TRPC6: variants seen among roughly 807,000 people sequenced by gnomAD.
TRPC6 encodes the protein transient receptor potential cation channel subfamily C member 6.
A neutral mutation model predicts 90.7 loss-of-function variants in TRPC6; 55 were observed. The ratio of observed to expected loss-of-function variants is 0.61; its 90% CI spans 0.49 to 0.76. The LOEUF is 0.76. Among genes scored for constraint, TRPC6 ranks in the 30% least tolerant of loss-of-function variants. The probability of loss-of-function intolerance (pLI) is 0.00; values close to 1 mark genes in which losing one functional copy is unlikely to be tolerated. For synonymous variants in TRPC6, 393 were observed against 393.0 expected, an observed-to-expected ratio of 1.00 and a Z score of 0.00; for missense variants, 989 against 1,122.7, an observed-to-expected ratio of 0.88 and a Z score of 1.70.
intron 2 of TRPC6, 96 bp from the exon 3 acceptor site, chr11:101,491,834 T>TTG: frequency 4.3e-5 from 35 of 815,696 alleles, no homozygotes; most frequent in Non-Finnish European, 5.2e-5. Flanking sequence ...AAGAGAAACA[T>TTG]TCTTTTTTTT....
chr11:101,499,081 T>C (rs988499624), intron 2 of TRPC6, among the ~76,000 whole-genome samples: 1 of 152,120 alleles, frequency 6.6e-6, no homozygotes, highest in Non-Finnish European at 1.5e-5. Context: ...TTGCCAACAA[T>C]TGTCAAAGAA....
At chr11:101,500,209 T>C (rs1187673285) in intron 2 of TRPC6, among the ~76,000 whole-genome samples, 6 of 117,226 alleles carry the variant, frequency 5.1e-5, no homozygotes, top group African/African-American at 2.2e-4. Context: ...GTATTTTTTT[T>C]CTTTCTTTTT....
intron 10 of TRPC6, among the ~76,000 whole-genome samples, chr11:101,460,710 T>C (rs1245870011): frequency 6.6e-6 from 1 of 152,170 alleles, no homozygotes; most frequent in African/African-American, 2.4e-5. Flanking sequence ...AAGTCTGCAT[T>C]GTGAATGCAC....
At chr11:101,459,623 GAAAAT>G (rs904259822) in intron 10 of TRPC6, among the ~76,000 whole-genome samples, 1 of 151,996 alleles carries the variant, frequency 6.6e-6, no homozygotes, top group Non-Finnish European at 1.5e-5. Context: ...AAGCTACAGG[GAAAAT>G]AAAATTATTT....
chr11:101,519,706 T>G (rs2136774941), intron 1 of TRPC6: 1 of 153,880 alleles, frequency 6.5e-6, no homozygotes, highest in African/African-American at 2.4e-5. Flanking sequence ...AATTCTGAGC[T>G]GTATCTCAAA....
At chr11:101,540,474 T>C (rs537607292) in intron 1 of TRPC6, among the ~76,000 whole-genome samples, 20 of 152,212 alleles carry the variant, frequency 1.3e-4, no homozygotes, top group Non-Finnish European at 2.1e-4. Context: ...CCTGGGCATA[T>C]GTAGTGTTAA....
intron 1 of TRPC6, among the ~76,000 whole-genome samples, chr11:101,556,092 A>T (rs1861554648): frequency 6.6e-6 from 1 of 152,206 alleles, no homozygotes; most frequent in Non-Finnish European, 1.5e-5. Context: ...CAAAGCTTAT[A>T]GCAATAAACA....
intron 3 of TRPC6, among the ~76,000 whole-genome samples, chr11:101,491,170 G>A: frequency 6.6e-6 from 1 of 152,098 alleles, no homozygotes; most frequent in East Asian, 1.9e-4. Context: ...ATCCTAACCG[G>A]GTGCAGTGGC....
intron 5 of TRPC6, among the ~76,000 whole-genome samples, chr11:101,478,862 T>G (rs1180016098): frequency 6.6e-6 from 1 of 152,174 alleles, no homozygotes; most frequent in East Asian, 1.9e-4. Flanking sequence ...CCCTCTGCCT[T>G]CAAATTTCTT....
In TRPC6 at chr11:101,473,776, A is replaced by G. The variant is rs770061328; in HGVS notation, c.1745-3T>C. ...AGAGGGGTCCCACTTTATCCTGGCT[A>G]GGAAAAAGCAAAGACAAAGAGTTGT... On this transcript the variant is annotated splice_polypyrimidine_tract_variant and splice_region_variant and intron_variant, in intron 6 of 12. Transcript: ENST00000344327. 6.2e-7 allele frequency: 1 copy of G among 1,613,592 alleles called. No homozygotes were observed. The highest frequency in any genetic ancestry group is 1.3e-5 in the African/African-American group (1 of 75,034).
At chr11:101,525,203 G>A (rs1860750401) in intron 1 of TRPC6, among the ~76,000 whole-genome samples, 1 of 152,220 alleles carries the variant, frequency 6.6e-6, no homozygotes, top group Admixed American at 6.5e-5. Flanking sequence ...GGAAAGGCAA[G>A]GTGGTAGAGC....
chr11:101,575,105 T>C (rs78798988), intron 1 of TRPC6, among the ~76,000 whole-genome samples: 139 of 152,300 alleles, frequency 9.1e-4, no homozygotes, highest in African/African-American at 3.2e-3. Flanking sequence ...TTAAAAATTA[T>C]GCAAATCTTG....
chr11:101,548,633 A>G (rs1861380345), intron 1 of TRPC6, among the ~76,000 whole-genome samples: 1 of 151,116 alleles, frequency 6.6e-6, no homozygotes, highest in Non-Finnish European at 1.5e-5. Flanking sequence ...AGCTCGTACC[A>G]TTCTCACTTC....
intron 1 of TRPC6, among the ~76,000 whole-genome samples, chr11:101,508,649 G>A (rs548296323): frequency 3.3e-5 from 5 of 152,184 alleles, no homozygotes; most frequent in African/African-American, 9.6e-5. Flanking sequence ...CAAAGATTAG[G>A]GGGAGAGACA....
Position 101,453,014 on chromosome 11 carries a change from T to C in TRPC6, c.2737A>G (p.Ile913Val), listed in dbSNP as rs1431533923. ...GATAATTTCTCTCCAAGTTCTCTAA[T>C]AAGTTCTGCTAGGTCTTCTGTATTC... ...SQNTEDLAEL[I>V]RELGEKLSME... The change falls in exon 13 of 13, where the codon ATT (isoleucine) becomes GTT (valine). Residue 913 changes from isoleucine (I) to valine (V), a missense_variant. Coordinates refer to ENST00000344327, the MANE Select transcript of TRPC6 (RefSeq NM_004621.6). 5 of 1,613,966 alleles carry C rather than the reference T, an allele frequency of 3.1e-6. No individual in the cohort carries two copies. In the Admixed American group the frequency reaches 8.3e-5, roughly 27 times the overall value.
chr11:101,491,838 T>TG, intron 2 of TRPC6, 100 bp from the exon 3 acceptor site: 1 of 242,552 alleles, frequency 4.1e-6, no homozygotes, highest in Middle Eastern at 1.2e-3. Context: ...GAAACATTCT[T>TG]TTTTTTTTTT....
At chr11:101,581,747 A>G (rs1862200943) in intron 1 of TRPC6, among the ~76,000 whole-genome samples, 1 of 152,172 alleles carries the variant, frequency 6.6e-6, no homozygotes, top group Non-Finnish European at 1.5e-5. Context: ...TTCTTGTCAT[A>G]TATCACCTTG....
At position 101,546,050 on chromosome 11, in the gene TRPC6, C is replaced by CTTTTTTTTTTTTT. The variant is rs1166182552; in HGVS notation, c.170+37271_170+37283dup. 1.3e-3 allele frequency among the ~76,000 whole-genome samples: 39 copies of CTTTTTTTTTTTTT among 29,724 alleles called. 14 individuals carry two copies. The highest frequency in any genetic ancestry group is 2.1e-3 in the Non-Finnish European group (33 of 16,050). The allele number at this position is 29,724 out of a possible 152,430, so 19.5% of individuals were successfully genotyped here. A position where few individuals can be genotyped will look rare whatever the true frequency, so the allele number is the denominator to read the frequency against. ...TGGATCTAGTATCACATTTATAACT[C>CTTTTTTTTTTTTT]TTTTTTTTTTTTTTTTTTTTTTTTT... On this transcript the variant is annotated intron_variant, in intron 1 of 12. Coordinates refer to ENST00000344327, the MANE Select transcript of TRPC6 (RefSeq NM_004621.6).
At chr11:101,476,743 T>C (rs190533907) in intron 5 of TRPC6, among the ~76,000 whole-genome samples, 1 of 152,278 alleles carries the variant, frequency 6.6e-6, no homozygotes, top group Admixed American at 6.5e-5. Flanking sequence ...TTGACAAAGT[T>C]CATTGAACAC....
Sources: allele counts gnomAD v4.1 joint callset (sites outside exome capture counted in the v4.1 genomes callset), GRCh38; gene constraint gnomAD v4.1.1; transcripts MANE v1.5; gene names NCBI Gene and HGNC (gene_info 2026-07-23, HGNC 2026-07-21).